Variants in SBF1 observed in about 807,000 individuals in gnomAD.
SBF1 encodes the protein myotubularin-related protein 5.
A neutral mutation model predicts 215.8 loss-of-function variants in SBF1; 65 were observed. The ratio of observed to expected loss-of-function variants is 0.30; its 90% CI spans 0.25 to 0.37. The LOEUF is 0.37. Ranked by LOEUF, SBF1 falls within the 10% of genes least tolerant of loss-of-function variation. The pLI is 1.00. For missense variants in SBF1, 2,634 were observed against 2,667.8 expected (o/e 0.99, Z 0.28); for synonymous variants, 1,410 against 1,122.8 (o/e 1.26, Z -5.11).
rs559223889 is a variant in SBF1, at chr22:50,448,779, G to A, written c.5044-129C>T. ...AACGCGTGTGTGACTGGCCACAGGG[G>A]GAGGTGGCAAGAGGGAGGGAAGGAA... is the stretch of plus-strand genomic sequence containing the variant. On this transcript the variant is annotated intron_variant, in intron 36 of 40. Transcript: ENST00000380817. The A allele has an allele frequency of 2.2e-5, 15 of 675,092 alleles. No homozygotes were observed. In the South Asian group the frequency reaches 2.6e-4, roughly 12 times the overall value. The allele number at this position is 675,092 out of a possible 1,614,324, so 41.8% of individuals were successfully genotyped here.
At chr22:50,452,332 A>C (rs990019938) in intron 36 of SBF1, among the ~76,000 whole-genome samples, 3 of 152,178 alleles carry the variant, frequency 2.0e-5, no homozygotes, top group Non-Finnish European at 4.4e-5. Context: ...ACCAGACCAG[A>C]TTATACTGAA....
In SBF1 at chr22:50,461,873, G is replaced by C. The variant is rs978591395; in HGVS notation, c.2570-4C>G. The stretch of plus-strand genomic sequence containing the variant: ...TCGATGTGCATCTGGACAATGTCTG[G>C]GGGAAGACAGTTCTCACACTTTGTG... On this transcript the variant is annotated splice_polypyrimidine_tract_variant and splice_region_variant and intron_variant, in intron 20 of 40. Transcript: ENST00000380817. 6.2e-7 allele frequency: 1 copy of C among 1,614,028 alleles called. No homozygotes were observed.
rs1343487002 is a variant in SBF1, at chr22:50,461,836, G to A, written c.2603C>T (p.Ala868Val). 8.1e-6 allele frequency: 13 copies of A among 1,613,668 alleles called. No homozygotes were observed. The highest frequency in any genetic ancestry group is 1.0e-5 in the Non-Finnish European group (12 of 1,180,032). Residue 868 changes from alanine to valine, a missense_variant, in exon 21 of 41, where the codon GCC becomes GTC. Physicochemically the swap from Ala to Val is moderately conservative, Grantham distance 64 (BLOSUM62 0). Coordinates refer to ENST00000380817, the MANE Select transcript of SBF1 (RefSeq NM_002972.4). ...IVQMHIETLE[A>V]VQRESRRLPP... Reference sequence around the variant, plus strand: ...CAGCCTCCGGCTCTCCCGCTGCACGGCCTCCAGGGTCTCGATGTGCATCTG... The same window carrying A: ...CAGCCTCCGGCTCTCCCGCTGCACGACCTCCAGGGTCTCGATGTGCATCTG...
chr22:50,451,761 C>G (rs916964555), intron 36 of SBF1, among the ~76,000 whole-genome samples: 17 of 150,254 alleles, frequency 1.1e-4, no homozygotes, highest in African/African-American at 4.1e-4. Flanking sequence ...AACTTCTAAG[C>G]AGAAACAATA....
At chr22:50,474,626 G>A (rs574422751) in intron 1 of SBF1, among the ~76,000 whole-genome samples, 160 bp downstream of exon 1, 8 of 103,200 alleles carry the variant, frequency 7.8e-5, no homozygotes, top group South Asian at 6.6e-4. Flanking sequence ...CCCAGCCCCC[G>A]GTCCTCGGCC....
In SBF1 at chr22:50,446,819, CTCTT is replaced by C. The variant is rs752406108; in HGVS notation, c.*319_*322del. 41 of 680,258 alleles carry C rather than the reference CTCTT, an allele frequency of 6.0e-5. No individual in the cohort carries two copies. The Middle Eastern group carries it at 7.4e-4, about 12-fold the overall frequency. 42.1% of individuals were successfully genotyped at this position (680,258 alleles called of 1,614,324 possible). A position where few individuals can be genotyped will look rare whatever the true frequency, so the allele number is the denominator to read the frequency against. On this transcript the variant is annotated 3_prime_UTR_variant, in exon 41 of 41. Coordinates refer to ENST00000380817, the MANE Select transcript of SBF1 (RefSeq NM_002972.4). ...GGCACAGGAGCGTGGCGTTAGTTCT[CTCTT>C]TATATAGACTCTGGTTCTAGAAACT...
At chr22:50,452,201 G>A (rs1458682368) in intron 36 of SBF1, among the ~76,000 whole-genome samples, 1 of 149,502 alleles carries the variant, frequency 6.7e-6, no homozygotes, top group Non-Finnish European at 1.5e-5. Context: ...CAGAGAAAAT[G>A]CCCTTTGCAA....
Position 50,461,679 on chromosome 22 carries a change from A to G in SBF1, c.2683T>C (p.Cys895Arg). Reference sequence around the variant, plus strand: ...TAGACGCGCAGGCCGTCCAGCACACACTCCTCACCCGGCAGCAGGCGCGGC... The same window carrying G: ...TAGACGCGCAGGCCGTCCAGCACACGCTCCTCACCCGGCAGCAGGCGCGGC... The part of the protein sequence containing the change: ...LRPRLLPGEE[C>R]VLDGLRVYLL... The change falls in exon 22 of 41, where the codon TGT becomes CGT. Residue 895 changes from cysteine (C) to arginine (R), a missense_variant. Physicochemically the swap from Cys to Arg is radical, Grantham distance 180. Transcript: ENST00000380817. The G allele has an allele frequency of 6.2e-7, 1 of 1,609,674 alleles. No homozygotes were observed.
chr22:50,456,471 C>CA, intron 30 of SBF1, 21 bp downstream of exon 30: 1 of 1,503,882 alleles, frequency 6.6e-7, no homozygotes, highest in Non-Finnish European at 8.9e-7. Context: ...CCTCACCCCC[C>CA]ACCCCCCGCA....
intron 1 of SBF1, among the ~76,000 whole-genome samples, chr22:50,470,595 T>C (rs1219768152): frequency 2.0e-5 from 3 of 151,980 alleles, no homozygotes; most frequent in South Asian, 2.1e-4. Flanking sequence ...CCCCCTCCCC[T>C]GGGAAACTCT....
Position 50,448,402 on chromosome 22 carries a change from G to A in SBF1, c.5194C>T (p.Arg1732Cys), listed in dbSNP as rs370727376. ...TGCAGGTACACACCCAGCGAGCGAC[G>A]GTGGTGGGGTGCGGTGGACACAAGG... ...SLLVSTAPHH[R>C]RSLGVYLQEG... The change falls in exon 38 of 41, where the codon CGT becomes TGT. Residue 1732 changes from arginine (R) to cysteine (C), a missense_variant. Coordinates refer to ENST00000380817, the MANE Select transcript of SBF1 (RefSeq NM_002972.4). 25 of 1,613,784 alleles carry A rather than the reference G, an allele frequency of 1.5e-5. No homozygotes were observed. The highest frequency in any genetic ancestry group is 6.7e-5 in the African/African-American group (5 of 74,942).
chr22:50,468,214 C>T (rs1186287136), intron 2 of SBF1, among the ~76,000 whole-genome samples, 162 bp downstream of exon 2: 1 of 152,210 alleles, frequency 6.6e-6, no homozygotes, highest in African/African-American at 2.4e-5. Context: ...CACAGGCCGC[C>T]GGCCAAGCCG....
In SBF1 at chr22:50,467,446, G is replaced by A. The variant is rs761521042; in HGVS notation, c.441C>T (p.Asn147=). 8 of 1,614,194 alleles carry A rather than the reference G, an allele frequency of 5.0e-6. No homozygotes were observed. The highest frequency in any genetic ancestry group is 2.2e-5 in the South Asian group (2 of 91,090). ...GGATGGCATAGATGAGGCCAAGGCT[G>A]TTCTGCAATGACCAGAGCGGGGAGT... The part of the protein sequence containing the change: ...SRLDHTEVFR[N]SLGLIYAIHV... The change falls in exon 5 of 41, where the codon AAC becomes AAT. Residue 147 remains asparagine (N), a splice_region_variant and synonymous_variant. Coordinates refer to ENST00000380817, the MANE Select transcript of SBF1 (RefSeq NM_002972.4).
chr22:50,468,305 G>C, intron 2 of SBF1, 71 bp downstream of exon 2: 2 of 1,437,918 alleles, frequency 1.4e-6, no homozygotes, highest in Non-Finnish European at 1.9e-6. Context: ...CCTCAGTCAG[G>C]GACAAGGGCA....
Position 50,460,665 on chromosome 22 carries a change from C to T in SBF1, c.3015G>A (p.Glu1005=), listed in dbSNP as rs771365469. The change falls in exon 24 of 41, where the codon GAG becomes GAA. Residue 1005 remains glutamate (E), a synonymous_variant. Coordinates refer to ENST00000380817, the MANE Select transcript of SBF1 (RefSeq NM_002972.4). ...GCTTATGCAGCTGCTTACGGAAGAGCTCGGCGCTGTCAGACCCCACCTCCT... is the reference window on the plus strand; with the variant it reads ...GCTTATGCAGCTGCTTACGGAAGAGTTCGGCGCTGTCAGACCCCACCTCCT... ...FDEEVGSDSA[E]LFRKQLHKLR... is the part of the protein sequence containing the mutation. The T allele has an allele frequency of 2.5e-6, 4 of 1,613,864 alleles. No individual in the cohort carries two copies. The East Asian group carries it at 6.7e-5, about 27-fold the overall frequency.
In SBF1 at chr22:50,457,081, A is replaced by C; in HGVS notation, c.3857T>G (p.Leu1286Arg). Residue 1286 changes from leucine (L) to arginine (R), a missense_variant, in exon 29 of 41, where the codon CTG becomes CGG. Transcript: ENST00000380817. ...VPSPRARVTT[L>R]SNPMAASASR... ...GGCCGAGGCCGCCATGGGGTTGGAC[A>C]GCGTGGTGACCCTGGCTCTGGGGCT... is the stretch of plus-strand genomic sequence containing the variant. 1 of 1,489,674 alleles carries C rather than the reference A, an allele frequency of 6.7e-7. No homozygotes were observed. The allele number at this position is 1,489,674 out of a possible 1,614,324, so 92.3% of individuals were successfully genotyped here. A position where few individuals can be genotyped will look rare whatever the true frequency, so the allele number is the denominator to read the frequency against.
In SBF1 at chr22:50,466,993, A is replaced by G. The variant is rs2067791765; in HGVS notation, c.550-283T>C. On this transcript the variant is annotated intron_variant, in intron 5 of 40. Transcript: ENST00000380817. ...GAATCCATACCGCTCCTTCCTCAAC[A>G]GAGTCCAGCTGCACAGGACAGACGG... 1.3e-5 allele frequency: 7 copies of G among 558,906 alleles called. No individual in the cohort carries two copies. In the South Asian group the frequency reaches 1.4e-4, roughly 11 times the overall value. The allele number at this position is 558,906 out of a possible 1,614,324, so 34.6% of individuals were successfully genotyped here. A position where few individuals can be genotyped will look rare whatever the true frequency, so the allele number is the denominator to read the frequency against.
chr22:50,458,841 G>C (rs2067372892), intron 28 of SBF1, among the ~76,000 whole-genome samples: 1 of 152,212 alleles, frequency 6.6e-6, no homozygotes, highest in African/African-American at 2.4e-5. Flanking sequence ...TGGATTGGGG[G>C]ATGCAGGGAG....
chr22:50,474,737 G>T, intron 1 of SBF1, 49 bp downstream of exon 1: 1 of 1,423,020 alleles, frequency 7.0e-7, no homozygotes, highest in Non-Finnish European at 9.3e-7. Flanking sequence ...CTGGCCCTCA[G>T]CACTCGACCC....
Sources: allele counts gnomAD v4.1 joint callset (sites outside exome capture counted in the v4.1 genomes callset), GRCh38; gene constraint gnomAD v4.1.1; transcripts MANE v1.5; gene names NCBI Gene and HGNC (gene_info 2026-07-23, HGNC 2026-07-21).